Variants in CROCC2 observed in about 807,000 individuals in gnomAD.
CROCC2 encodes the protein ciliary rootlet coiled-coil protein 2.
CROCC2 carries 163 observed loss-of-function variants against 177.6 expected under a neutral mutation model. The ratio of observed to expected loss-of-function variants is 0.92; its 90% confidence interval spans 0.81 to 1.05. CROCC2 has a LOEUF of 1.05. Ranked by LOEUF, CROCC2 falls within the 50% of genes least tolerant of loss-of-function variation. CROCC2 has a pLI of 0.00. For synonymous variants in CROCC2, 904 were observed against 787.3 expected (o/e 1.15, Z -2.48); for missense variants, 1,929 against 1,797.8 (o/e 1.07, Z -1.32).
intron 5 of CROCC2, among the ~76,000 whole-genome samples, chr2:240,929,415 A>G (rs1280414642): frequency 6.6e-6 from 1 of 152,094 alleles, no homozygotes; most frequent in Non-Finnish European, 1.5e-5. Context: ...TGCAGGGCCT[A>G]GAAGGTGGTG....
At chr2:240,959,127 T>G in intron 19 of CROCC2, 174 bp from the exon 20 acceptor site, 1 of 678,156 alleles carries the variant, frequency 1.5e-6, no homozygotes. Context: ...AGCAGCCTGT[T>G]TGACAGTTTA....
chr2:240,916,979 G>A (rs1003920209), intron 1 of CROCC2, among the ~76,000 whole-genome samples: 1 of 152,146 alleles, frequency 6.6e-6, no homozygotes. Context: ...GTCCCAGCTG[G>A]GCCCAGGAGG....
At position 240,931,077 on chromosome 2, in the gene CROCC2, T is replaced by C. The variant is rs759009794; in HGVS notation, c.896T>C (p.Met299Thr). 18 of 715,950 alleles carry C rather than the reference T, an allele frequency of 2.5e-5. No individual in the cohort carries two copies. The highest frequency in any genetic ancestry group is 4.7e-5 in the Non-Finnish European group (18 of 384,512). The allele number at this position is 715,950 out of a possible 1,614,324, so 44.3% of individuals were successfully genotyped here. ...GQQLRDKAGE[M>T]LQLQGRWDAE... is the part of the protein sequence containing the mutation. ...CAGCTTCGGGACAAGGCTGGGGAGATGCTGCAGCTGCAGGGCCGCTGGGAC... is the reference window on the plus strand; with the variant it reads ...CAGCTTCGGGACAAGGCTGGGGAGACGCTGCAGCTGCAGGGCCGCTGGGAC... The change falls in exon 7 of 32, where the codon ATG becomes ACG. Residue 299 changes from methionine to threonine, a missense_variant. Transcript: ENST00000690015.
At position 240,959,637 on chromosome 2, in the gene CROCC2, C is replaced by T. The variant is rs186252623; in HGVS notation, c.3087+193C>T. The T allele has an allele frequency of 6.8e-5, 44 of 648,466 alleles. No homozygotes were observed. In the Admixed American group the frequency reaches 1.4e-3, roughly 21 times the overall value. 40.2% of individuals were successfully genotyped at this position (648,466 alleles called of 1,614,324 possible). A position where few individuals can be genotyped will look rare whatever the true frequency, so the allele number is the denominator to read the frequency against. On this transcript the variant is annotated intron_variant, in intron 20 of 31. Coordinates refer to ENST00000690015, the MANE Select transcript of CROCC2 (RefSeq NM_001351305.2). ...TGGGACAAGGGGCCCTCACACCACG[C>T]ACTAAGCCAAGCCCAGGCTCTCAGG...
rs1381548227 is a variant in CROCC2, at chr2:240,932,756, T to C, written c.1099T>C (p.Leu367=). 7 of 1,118,222 alleles carry C rather than the reference T, an allele frequency of 6.3e-6. No individual in the cohort carries two copies. The highest frequency in any genetic ancestry group is 6.0e-5 in the Admixed American group (3 of 50,192). 69.3% of individuals were successfully genotyped at this position (1,118,222 alleles called of 1,614,324 possible). The change falls in exon 9 of 32, where the codon TTG becomes CTG. Residue 367 remains leucine (L), a synonymous_variant. Coordinates refer to ENST00000690015, the MANE Select transcript of CROCC2 (RefSeq NM_001351305.2). ...LELAGSSITE[L]GEPRRPLRSP... ...GCTGGCAGGTAGCAGCATCACTGAA[T>C]TGGGGGAGCCACGGCGCCCACTGAG...
intron 28 of CROCC2, chr2:240,983,242 A>G: frequency 2.3e-6 from 2 of 870,084 alleles, no homozygotes; most frequent in East Asian, 2.8e-5. Context: ...AGGGGCCCAC[A>G]GGGAGTCAGG....
Position 240,975,421 on chromosome 2 carries a change from G to C in CROCC2, c.4401+7159G>C, listed in dbSNP as rs549040622. 5.8e-4 allele frequency among the ~76,000 whole-genome samples: 89 copies of C among 152,336 alleles called. 1 individual carries two copies. Among genetic ancestry groups the C allele is most frequent in the African/African-American group, 1.9e-3 (81 of 41,580 alleles). On this transcript the variant is annotated intron_variant, in intron 27 of 31. Transcript: ENST00000690015. ...GAGGGCAGGACGGGGCAGCTCGCCAGTGCAGGGAGACCAGGGGATACCTGC... is the reference window on the plus strand; with the variant it reads ...GAGGGCAGGACGGGGCAGCTCGCCACTGCAGGGAGACCAGGGGATACCTGC...
chr2:240,955,783 C>A, intron 18 of CROCC2, 76 bp from the exon 19 acceptor site: 1 of 998,280 alleles, frequency 1.0e-6, no homozygotes, highest in Non-Finnish European at 1.5e-6. Flanking sequence ...TCTGCCACAG[C>A]CTCTCCTTAG....
chr2:240,992,994 C>A, intron 31 of CROCC2, 72 bp from the exon 32 acceptor site: 3 of 705,770 alleles, frequency 4.3e-6, no homozygotes, highest in Admixed American at 2.0e-5. Flanking sequence ...GTCCCTCCAG[C>A]CCCCGGCAGC....
rs1457273125 is a variant in CROCC2, at chr2:240,982,830, C to T, written c.4402-50C>T. The T allele has an allele frequency of 6.7e-7, 1 of 1,501,910 alleles. No individual in the cohort carries two copies. Among genetic ancestry groups the T allele is most frequent in the East Asian group, 2.5e-5 (1 of 40,366 alleles). 93.0% of individuals were successfully genotyped at this position (1,501,910 alleles called of 1,614,324 possible). On this transcript the variant is annotated intron_variant, in intron 27 of 31. Transcript: ENST00000690015. The surrounding 1 kb of genome is among the most constrained non-coding windows in gnomAD (Gnocchi z 4.7). Reference sequence around the variant, plus strand: ...CTGAGGCCAGGGTTTCCCTGCAGGGCCTCCCACCCCCAGTGTCTCCAGGTG... The same window carrying T: ...CTGAGGCCAGGGTTTCCCTGCAGGGTCTCCCACCCCCAGTGTCTCCAGGTG...
At chr2:240,989,965 GGCTCC>G in intron 30 of CROCC2, 132 bp downstream of exon 30, 6 of 855,016 alleles carry the variant, frequency 7.0e-6, no homozygotes, top group Non-Finnish European at 1.1e-5. Flanking sequence ...CCACCCAGTG[GGCTCC>G]AGACCTGCTC....
chr2:240,968,310 CCT>C (rs1221334216), intron 27 of CROCC2, 48 bp downstream of exon 27: 5 of 1,493,024 alleles, frequency 3.3e-6, no homozygotes, highest in Non-Finnish European at 4.4e-6. Context: ...AAGAACAAGG[CCT>C]CTCGGTCACC....
Position 240,950,464 on chromosome 2 carries a change from A to C in CROCC2, c.2783A>C (p.Gln928Pro), listed in dbSNP as rs1219058934. ...ALKGEIQSLK[Q>P]ERDESLLQLE... ...AAGGGGGAAATTCAGAGCCTGAAGC[A>C]GGAGCGGGACGAGAGCCTTCTCCAA... Residue 928 changes from glutamine (Q) to proline (P), a missense_variant, in exon 18 of 32, where the codon CAG becomes CCG. By Grantham distance (76) the Gln-to-Pro change is moderately conservative. This residue lies in a region of CROCC2 where 1,397 missense variants were observed against 1,239.9 expected (regional missense o/e 1.13). Coordinates refer to ENST00000690015, the MANE Select transcript of CROCC2 (RefSeq NM_001351305.2). The C allele has an allele frequency of 6.5e-7, 1 of 1,550,286 alleles. No individual in the cohort carries two copies. The highest frequency in any genetic ancestry group is 8.7e-7 in the Non-Finnish European group (1 of 1,146,828).
chr2:240,980,116 G>T, intron 27 of CROCC2, among the ~76,000 whole-genome samples: 1 of 70,570 alleles, frequency 1.4e-5, no homozygotes, highest in Non-Finnish European at 2.8e-5. Flanking sequence ...CTCAGTCTCT[G>T]GGGTAGGAGC....
At chr2:240,912,255 CA>C (rs1198376761) in intron 1 of CROCC2, among the ~76,000 whole-genome samples, 1 of 152,208 alleles carries the variant, frequency 6.6e-6, no homozygotes, top group African/African-American at 2.4e-5. Context: ...AGCTGTCCTA[CA>C]ATTCAATCCA....
intron 26 of CROCC2, among the ~76,000 whole-genome samples, chr2:240,967,844 C>A (rs984196439): frequency 4.0e-5 from 6 of 151,566 alleles, no homozygotes; most frequent in African/African-American, 1.5e-4. Context: ...CCCGGGCAGG[C>A]CCTGCCCCTC....
In CROCC2 at chr2:240,963,710, T is replaced by C. The variant is rs1418274571; in HGVS notation, c.3242T>C (p.Val1081Ala). 1.3e-6 allele frequency: 2 copies of C among 1,550,272 alleles called. No homozygotes were observed. The highest frequency in any genetic ancestry group is 4.9e-5 in the East Asian group (2 of 40,908). The part of the protein sequence containing the change: ...ALSDEAREKD[V>A]LLLFNSELRA... ...AGTGACGAGGCCCGCGAGAAGGACG[T>C]ACTGTTGCTTTTCAACAGCGAGCTG... Residue 1081 changes from valine to alanine, a missense_variant, in exon 21 of 32, where the codon GTA becomes GCA. By Grantham distance (64) the Val-to-Ala change is moderately conservative. Coordinates refer to ENST00000690015, the MANE Select transcript of CROCC2 (RefSeq NM_001351305.2).
chr2:240,981,940 A>C (rs2059803457), intron 27 of CROCC2: 1 of 152,000 alleles, frequency 6.6e-6, no homozygotes, highest in East Asian at 1.9e-4. Flanking sequence ...TCAAGGCCCA[A>C]CAGCTGCCAG....
At position 240,958,318 on chromosome 2, in the gene CROCC2, C is replaced by T. The variant is rs185019644; in HGVS notation, c.2944-983C>T. ...CTGGCAGTGTTGGGGCATGCTGAGG[C>T]ACAGAGCCATGGCCTAGTCACCCAA... On this transcript the variant is annotated intron_variant, in intron 19 of 31. Transcript: ENST00000690015. The surrounding 1 kb of genome is among the most constrained non-coding windows in gnomAD (Gnocchi z 6.7). 1,335 of 519,866 alleles carry T rather than the reference C, an allele frequency of 2.6e-3. 18 individuals are homozygous for T. Among genetic ancestry groups the T allele is most frequent in the African/African-American group, 0.026 (1,235 of 48,266 alleles). The allele number at this position is 519,866 out of a possible 1,614,324, so 32.2% of individuals were successfully genotyped here. A position where few individuals can be genotyped will look rare whatever the true frequency, so the allele number is the denominator to read the frequency against.
Sources: allele counts gnomAD v4.1 joint callset (sites outside exome capture counted in the v4.1 genomes callset), GRCh38; gene constraint gnomAD v4.1.1; regional missense constraint gnomAD v4.1.1; non-coding constraint Gnocchi (gnomAD v3.1); transcripts MANE v1.5; gene names NCBI Gene and HGNC (gene_info 2026-07-23, HGNC 2026-07-21).